KCNIP1: variants seen among roughly 807,000 people sequenced by gnomAD.
KCNIP1 encodes potassium voltage-gated channel interacting protein 1.
Under a neutral mutation model 33.0 loss-of-function variants are expected in KCNIP1, and 18 were observed. The observed-to-expected ratio is 0.55, with a 90% CI of 0.38 to 0.81. The LOEUF (loss-of-function observed/expected upper bound fraction) is 0.81, where lower values mean the gene tolerates loss of function less well. Ranked by LOEUF, KCNIP1 falls within the 30% of genes least tolerant of loss-of-function variation. The pLI, the probability that KCNIP1 is intolerant of heterozygous loss-of-function variation, is 0.00. For missense variants in KCNIP1, 238 were observed against 271.6 expected (o/e 0.88, Z 0.87); for synonymous variants, 93 against 98.3 (o/e 0.95, Z 0.32).
At chr5:170,683,729 TTTTTTTTTCTTCGAGACTAAA>T (rs1293648258) in intron 1 of KCNIP1, among the ~76,000 whole-genome samples, 2 of 151,856 alleles carry the variant, frequency 1.3e-5, no homozygotes, top group Non-Finnish European at 2.9e-5. Flanking sequence ...TTAAGGTTTT[TTTTTTTTTCTTCGAGACTAAA>T]TCTCACTCTA....
rs114821493 is a variant in KCNIP1 at position 170,597,417 on chromosome 5, T to C, written c.61+92784T>C. On this transcript the variant is annotated intron_variant, in intron 1 of 7. Coordinates refer to ENST00000328939, the MANE Select transcript of KCNIP1 (RefSeq NM_014592.4). ...TCACTGAGCCTTATTTCCTGAGCGC[T>C]CTCCCTTTATCTGTGCTTGCAAAGA... Among the ~76,000 whole-genome samples, 476 of 152,076 alleles carry C rather than the reference T, an allele frequency of 3.1e-3. 3 individuals are homozygous for C. The highest frequency in any genetic ancestry group is 0.02 in the Middle Eastern group (6 of 294).
intron 1 of KCNIP1, among the ~76,000 whole-genome samples, chr5:170,441,734 G>A (rs769660728): frequency 6.6e-6 from 1 of 152,028 alleles, no homozygotes; most frequent in Non-Finnish European, 1.5e-5. Context: ...GGGAGGTCAC[G>A]AGGTCAGAAG....
chr5:170,466,483 G>A (rs1025700422), intron 1 of KCNIP1, among the ~76,000 whole-genome samples: 8 of 152,168 alleles, frequency 5.3e-5, no homozygotes, highest in African/African-American at 9.7e-5. Context: ...AAAGCAGAGG[G>A]TGAAATGAGT....
exon 1 of KCNIP1, chr5:170,353,884 G>T: frequency 6.2e-7 from 1 of 1,613,988 alleles, no homozygotes; most frequent in Non-Finnish European, 8.5e-7. Flanking sequence ...ACCATGAGCG[G>T]CTGCTCCAAA....
chr5:170,711,556 G>A (rs1037999037), intron 1 of KCNIP1, among the ~76,000 whole-genome samples: 7 of 152,096 alleles, frequency 4.6e-5, no homozygotes, highest in Non-Finnish European at 7.4e-5. Flanking sequence ...TGTAAACTAT[G>A]GGCTTTAGTT....
chr5:170,355,847 C>T (rs147266855), intron 1 of KCNIP1, among the ~76,000 whole-genome samples: 4 of 152,326 alleles, frequency 2.6e-5, no homozygotes, highest in Non-Finnish European at 5.9e-5. Flanking sequence ...TTCAGTACAG[C>T]CTTTCCTGTG....
chr5:170,492,203 G>A (rs1757221433), intron 1 of KCNIP1, among the ~76,000 whole-genome samples: 1 of 152,138 alleles, frequency 6.6e-6, no homozygotes, highest in Non-Finnish European at 1.5e-5. Flanking sequence ...ATAAGTCAAG[G>A]ATTCCTAAGA....
chr5:170,613,071 T>A (rs539411706), intron 1 of KCNIP1, among the ~76,000 whole-genome samples: 3 of 152,200 alleles, frequency 2.0e-5, no homozygotes, highest in East Asian at 1.9e-4. Context: ...GTTGAAGACA[T>A]CCCCAGAAGC....
intron 1 of KCNIP1, among the ~76,000 whole-genome samples, chr5:170,647,476 T>C (rs1480899230): frequency 6.6e-6 from 1 of 151,486 alleles, no homozygotes; most frequent in Non-Finnish European, 1.5e-5. Flanking sequence ...CCCACATGAA[T>C]AGAGTTGACT....
At chr5:170,472,166 T>A in intron 1 of KCNIP1, among the ~76,000 whole-genome samples, 1 of 152,212 alleles carries the variant, frequency 6.6e-6, no homozygotes, top group East Asian at 1.9e-4. Context: ...CAGACCCTGC[T>A]GAAGGAAGGC....
chr5:170,590,988 C>T (rs1758230716), intron 1 of KCNIP1, among the ~76,000 whole-genome samples: 5 of 152,170 alleles, frequency 3.3e-5, no homozygotes, highest in Admixed American at 3.3e-4. Context: ...TGGGCCAGAA[C>T]TTGGGCATCT....
intron 1 of KCNIP1, among the ~76,000 whole-genome samples, chr5:170,633,438 G>T (rs1490229693): frequency 6.6e-6 from 1 of 151,266 alleles, no homozygotes; most frequent in Non-Finnish European, 1.5e-5. Flanking sequence ...TTGGGGACTG[G>T]ATATGCAGAT....
chr5:170,527,952 A>T (rs62394282), intron 1 of KCNIP1, among the ~76,000 whole-genome samples: 1,904 of 152,196 alleles, frequency 0.013, 23 homozygotes, highest in Non-Finnish European at 0.021. Context: ...GACACACGAC[A>T]ATTCTGAAGG....
At chr5:170,695,291 A>G (rs973643564) in intron 1 of KCNIP1, among the ~76,000 whole-genome samples, 3 of 152,182 alleles carry the variant, frequency 2.0e-5, no homozygotes, top group Non-Finnish European at 4.4e-5. Flanking sequence ...ACACTCTCCT[A>G]GCAGGTCCTT....
chr5:170,370,632 AT>A (rs1212922938), intron 1 of KCNIP1, among the ~76,000 whole-genome samples: 1 of 152,214 alleles, frequency 6.6e-6, no homozygotes, highest in Non-Finnish European at 1.5e-5. Context: ...GAATGATCTG[AT>A]GGAAGAGCTA....
At chr5:170,646,138 G>A (rs1045741899) in intron 1 of KCNIP1, among the ~76,000 whole-genome samples, 18 of 152,156 alleles carry the variant, frequency 1.2e-4, no homozygotes, top group Admixed American at 1.2e-3. Context: ...GGCTCAGATA[G>A]GCTGATTGGT....
chr5:170,419,700 A>G (rs531193529), intron 1 of KCNIP1, among the ~76,000 whole-genome samples: 1 of 152,222 alleles, frequency 6.6e-6, no homozygotes, highest in African/African-American at 2.4e-5. Context: ...CATTGCTTTA[A>G]CTGACAAAAT....
chr5:170,621,784 C>A (rs1374435229), intron 1 of KCNIP1, among the ~76,000 whole-genome samples: 1 of 152,220 alleles, frequency 6.6e-6, no homozygotes. Context: ...GCTGGGATTA[C>A]AACTGTGAGC....
chr5:170,455,245 C>T (rs1464118318), intron 1 of KCNIP1, among the ~76,000 whole-genome samples: 1 of 151,728 alleles, frequency 6.6e-6, no homozygotes, highest in East Asian at 1.9e-4. Flanking sequence ...TAGAATAATC[C>T]ACCCAACAAC....
Sources: allele counts gnomAD v4.1 joint callset (sites outside exome capture counted in the v4.1 genomes callset), GRCh38; gene constraint gnomAD v4.1.1; transcripts MANE v1.5; gene names NCBI Gene and HGNC (gene_info 2026-07-23, HGNC 2026-07-21).